The following UBAP1 variants were observed in gnomAD, a reference collection of about 807,000 sequenced individuals.
UBAP1 encodes ubiquitin-associated protein 1.
Under a neutral mutation model 39.0 loss-of-function variants are expected in UBAP1, and 5 were observed. The ratio of observed to expected loss-of-function variants is 0.13; its 90% CI spans 0.07 to 0.27. The LOEUF (loss-of-function observed/expected upper bound fraction) is 0.27. Among genes scored for constraint, UBAP1 ranks in the 10% least tolerant of loss-of-function variants. The probability of loss-of-function intolerance (pLI) is 1.00; values close to 1 mark genes in which losing one functional copy is unlikely to be tolerated. For missense variants in UBAP1, 490 were observed against 608.1 expected (o/e 0.81, Z 2.04); for synonymous variants, 211 against 225.1 (o/e 0.94, Z 0.56).
intron 1 of UBAP1, among the ~76,000 whole-genome samples, chr9:34,219,719 TC>T (rs1832560479): frequency 3.0e-5 from 1 of 33,216 alleles, no homozygotes. Flanking sequence ...TCCCCTCCCT[TC>T]CCCTCCCCTC....
chr9:34,179,663 A>C (rs887487301), intron 1 of UBAP1, among the ~76,000 whole-genome samples: 1 of 151,658 alleles, frequency 6.6e-6, no homozygotes, highest in Non-Finnish European at 1.5e-5. Context: ...GTTCTCCCTG[A>C]GGCAATGAGA....
chr9:34,191,058 T>G (rs1371700617), intron 1 of UBAP1, among the ~76,000 whole-genome samples: 1 of 152,186 alleles, frequency 6.6e-6, no homozygotes, highest in African/African-American at 2.4e-5. Context: ...GGTGCAGTTC[T>G]AATTTGAGAC....
chr9:34,228,508 C>T (rs980947920), intron 2 of UBAP1, among the ~76,000 whole-genome samples: 1 of 151,572 alleles, frequency 6.6e-6, no homozygotes, highest in Middle Eastern at 3.2e-3. Context: ...TCTCACAGCA[C>T]CATCATTAAT....
intron 2 of UBAP1, among the ~76,000 whole-genome samples, chr9:34,226,383 C>T (rs60343871): frequency 1.3e-5 from 2 of 151,878 alleles, no homozygotes; most frequent in African/African-American, 2.4e-5. Flanking sequence ...ATTATAGGTG[C>T]GCACCACCAT....
intron 1 of UBAP1, among the ~76,000 whole-genome samples, chr9:34,191,165 G>T (rs971517435): frequency 6.6e-6 from 1 of 152,190 alleles, no homozygotes; most frequent in Non-Finnish European, 1.5e-5. Flanking sequence ...CAGCACTGTT[G>T]TAGGTCAGTG....
At chr9:34,234,492 T>C in intron 3 of UBAP1, 152 bp downstream of exon 3, 1 of 932,538 alleles carries the variant, frequency 1.1e-6, no homozygotes, top group Non-Finnish European at 1.5e-6. Context: ...CCCATAAAAT[T>C]ATAAGGGGCT....
At chr9:34,197,869 T>C (rs1472196636) in intron 1 of UBAP1, among the ~76,000 whole-genome samples, 1 of 152,232 alleles carries the variant, frequency 6.6e-6, no homozygotes, top group Non-Finnish European at 1.5e-5. Context: ...CTTAATGATC[T>C]TTTTGTCCTT....
intron 2 of UBAP1, among the ~76,000 whole-genome samples, chr9:34,232,040 G>A (rs1563915055): frequency 6.6e-6 from 1 of 151,776 alleles, no homozygotes; most frequent in Non-Finnish European, 1.5e-5. Flanking sequence ...GCTATTCTGA[G>A]GTTGAGAAAG....
rs137880266 is a variant in UBAP1, at chr9:34,226,200, C to T, written c.34+5252C>T. On this transcript the variant is annotated intron_variant, in intron 2 of 6. Coordinates refer to ENST00000297661, the MANE Select transcript of UBAP1 (RefSeq NM_016525.5). The stretch of plus-strand genomic sequence containing the variant: ...CTTGAGGCCAGGAGTTTGAGACCAG[C>T]CTGGGCAACATAGAAAAACCCCGTT... Among the ~76,000 whole-genome samples, 1,350 of 141,382 alleles carry T rather than the reference C, an allele frequency of 9.5e-3. 29 individuals carry two copies. The highest frequency in any genetic ancestry group is 0.033 in the African/African-American group (1,265 of 38,204). 92.8% of individuals were successfully genotyped at this position (141,382 alleles called of 152,430 possible). A position where few individuals can be genotyped will look rare whatever the true frequency, so the allele number is the denominator to read the frequency against.
intron 5 of UBAP1, among the ~76,000 whole-genome samples, chr9:34,250,200 C>T (rs769458567): frequency 1.3e-5 from 2 of 152,218 alleles, no homozygotes; most frequent in Admixed American, 6.5e-5. Context: ...CTCCAACTAC[C>T]CCCTCCTTTC....
intron 1 of UBAP1, among the ~76,000 whole-genome samples, chr9:34,213,727 A>G (rs1297596629): frequency 2.0e-5 from 3 of 152,158 alleles, no homozygotes; most frequent in South Asian, 2.1e-4. Context: ...GAGGAAGTCA[A>G]ACTGTCACTG....
Position 34,238,666 on chromosome 9 carries a change from G to A in UBAP1, c.160-2519G>A, listed in dbSNP as rs1291145834. 3.9e-5 allele frequency among the ~76,000 whole-genome samples: 6 copies of A among 152,240 alleles called. No individual in the cohort carries two copies. In the East Asian group the frequency reaches 1.2e-3, roughly 29 times the overall value. Reference sequence around the variant, plus strand: ...AATTAATGTTCCTTTTGTGTATGGAGACTTTATTGGGCCAGAAGAGAGATA... The same window carrying A: ...AATTAATGTTCCTTTTGTGTATGGAAACTTTATTGGGCCAGAAGAGAGATA... On this transcript the variant is annotated intron_variant, in intron 3 of 6. Transcript: ENST00000297661.
At position 34,185,432 on chromosome 9, in the gene UBAP1, C is replaced by T. The variant is rs529978167; in HGVS notation, c.-8+6192C>T. 2.6e-5 allele frequency among the ~76,000 whole-genome samples: 4 copies of T among 152,220 alleles called. No individual in the cohort carries two copies. The East Asian group carries it at 7.8e-4, about 30-fold the overall frequency. On this transcript the variant is annotated intron_variant, in intron 1 of 6. Coordinates refer to ENST00000297661, the MANE Select transcript of UBAP1 (RefSeq NM_016525.5). ...GGATTGGTGGTTCATGCCTGTAGTC[C>T]CAGGTACACGAGAGGCTGAGGTAGG...
intron 1 of UBAP1, among the ~76,000 whole-genome samples, chr9:34,212,392 A>AAC (rs35251034): frequency 0.029 from 4,163 of 142,216 alleles, 122 homozygotes; most frequent in African/African-American, 0.081. Flanking sequence ...TTTCTATTAA[A>AAC]ACACACACAC....
chr9:34,216,932 T>A (rs373574790), intron 1 of UBAP1, among the ~76,000 whole-genome samples: 2 of 152,102 alleles, frequency 1.3e-5, no homozygotes, highest in East Asian at 3.9e-4. Flanking sequence ...GTCACCTTAC[T>A]GTACAATAGA....
At chr9:34,223,167 A>T (rs1386631105) in intron 2 of UBAP1, among the ~76,000 whole-genome samples, 2 of 152,146 alleles carry the variant, frequency 1.3e-5, no homozygotes, top group Non-Finnish European at 2.9e-5. Context: ...ATGGTGGCTC[A>T]CGCCTGTAAT....
Position 34,181,116 on chromosome 9 carries a change from C to CTTTCTTTTTTTTTTTTTTTTTTTTT in UBAP1, c.-8+1879_-8+1880insCTTTTTTTTTTTTTTTTTTTTTTTT, listed in dbSNP as rs1193356334. On this transcript the variant is annotated intron_variant, in intron 1 of 6. Coordinates refer to ENST00000297661, the MANE Select transcript of UBAP1 (RefSeq NM_016525.5). ...TGAGCCACCGCACCCGGCCTGTTTT[C>CTTTCTTTTTTTTTTTTTTTTTTTTT]TTTTTTTTTTTTTTTTTGAGACAGA... Among the ~76,000 whole-genome samples, 83 of 72,266 alleles carry CTTTCTTTTTTTTTTTTTTTTTTTTT rather than the reference C, an allele frequency of 1.1e-3. 11 individuals are homozygous for CTTTCTTTTTTTTTTTTTTTTTTTTT. Among genetic ancestry groups the CTTTCTTTTTTTTTTTTTTTTTTTTT allele is most frequent in the Admixed American group, 1.6e-3 (8 of 5,154 alleles). The allele number at this position is 72,266 out of a possible 152,430, so 47.4% of individuals were successfully genotyped here.
At chr9:34,241,083 C>G (rs779126824) in intron 3 of UBAP1, 102 bp from the exon 4 acceptor site, 2 of 810,346 alleles carry the variant, frequency 2.5e-6, no homozygotes, top group African/African-American at 3.5e-5. Flanking sequence ...CTGCCTTGTC[C>G]GGTTATCCTC....
chr9:34,247,168 A>G (rs1400854681), intron 4 of UBAP1, among the ~76,000 whole-genome samples: 1 of 152,172 alleles, frequency 6.6e-6, no homozygotes, highest in Non-Finnish European at 1.5e-5. Context: ...AAACACTGTT[A>G]TAATTTTGAT....
Sources: gnomAD v4.1 joint callset for allele counts (sites outside exome capture counted in the v4.1 genomes callset) on GRCh38, gnomAD v4.1.1 for gene constraint, MANE v1.5 for transcripts, NCBI Gene and HGNC (gene_info 2026-07-23, HGNC 2026-07-21) for gene names.